TTBK2: variants seen among roughly 807,000 people sequenced by gnomAD.
The protein encoded by TTBK2 is tau-tubulin kinase 2.
Under a neutral mutation model 110.8 loss-of-function variants are expected in TTBK2, and 28 were observed. The ratio of observed to expected loss-of-function variants is 0.25; its 90% confidence interval spans 0.19 to 0.35. The LOEUF (loss-of-function observed/expected upper bound fraction) is 0.35, where lower values mean the gene tolerates loss of function less well. Ranked by LOEUF, TTBK2 falls within the 10% of genes least tolerant of loss-of-function variation. The pLI, the probability that TTBK2 is intolerant of heterozygous loss-of-function variation, is 1.00. For synonymous variants in TTBK2, 532 were observed against 527.3 expected, an observed-to-expected ratio of 1.01 and a Z score of -0.12; for missense variants, 1,369 against 1,500.3, an observed-to-expected ratio of 0.91 and a Z score of 1.45.
chr15:42,830,180 A>C, intron 4 of TTBK2, 102 bp from the exon 5 acceptor site: 1 of 1,470,844 alleles, frequency 6.8e-7, no homozygotes, highest in Non-Finnish European at 9.2e-7. Flanking sequence ...TTTTCAGCAA[A>C]ATAGCAAGAA....
At chr15:42,775,039 C>T in intron 13 of TTBK2, 96 bp downstream of exon 13, 1 of 1,339,852 alleles carries the variant, frequency 7.5e-7, no homozygotes, top group Non-Finnish European at 1.1e-6. Context: ...AAAATTTAGG[C>T]CTGTACTGAA....
At chr15:42,911,241 G>A (rs1039088462) in intron 1 of TTBK2, among the ~76,000 whole-genome samples, 3 of 152,080 alleles carry the variant, frequency 2.0e-5, no homozygotes, top group East Asian at 1.9e-4. Context: ...TCCCATTCCC[G>A]TACATACATT....
At chr15:42,796,349 A>C (rs1033304464) in intron 9 of TTBK2, among the ~76,000 whole-genome samples, 1 of 152,138 alleles carries the variant, frequency 6.6e-6, no homozygotes, top group African/African-American at 2.4e-5. Context: ...GCAGTGAGCC[A>C]AGATTGTGCC....
At chr15:42,801,371 A>G (rs1285967679) in intron 9 of TTBK2, 1 of 1,440,100 alleles carries the variant, frequency 6.9e-7, no homozygotes, top group Admixed American at 1.7e-5. Flanking sequence ...TGGCATTGGC[A>G]TCCTTAATGG....
intron 3 of TTBK2, among the ~76,000 whole-genome samples, chr15:42,846,867 AG>A (rs1893489640): frequency 6.6e-6 from 1 of 152,084 alleles, no homozygotes. Context: ...TTGAACAATG[AG>A]ATGTGTGAGC....
At chr15:42,909,869 A>C (rs371303612) in intron 1 of TTBK2, among the ~76,000 whole-genome samples, 2 of 152,218 alleles carry the variant, frequency 1.3e-5, no homozygotes, top group African/African-American at 4.8e-5. Flanking sequence ...TTTGGGGTAA[A>C]GAAAGCAGGT....
chr15:42,859,899 A>G (rs1894087106), intron 3 of TTBK2, among the ~76,000 whole-genome samples: 1 of 152,134 alleles, frequency 6.6e-6, no homozygotes, highest in South Asian at 2.1e-4. Flanking sequence ...AAGAACGAAA[A>G]GAAAACACTA....
intron 6 of TTBK2, among the ~76,000 whole-genome samples, chr15:42,818,912 G>C (rs1421624711): frequency 2.1e-5 from 3 of 144,040 alleles, no homozygotes; most frequent in African/African-American, 7.5e-5. Flanking sequence ...GACAGAGCGA[G>C]ACTCCGTCTC....
chr15:42,866,999 C>CT (rs1484245866), intron 3 of TTBK2, among the ~76,000 whole-genome samples: 1 of 152,144 alleles, frequency 6.6e-6, no homozygotes, highest in African/African-American at 2.4e-5. Flanking sequence ...AATCCCAGCA[C>CT]TTTGAGAGGC....
intron 11 of TTBK2, among the ~76,000 whole-genome samples, chr15:42,780,498 C>T (rs28722903): frequency 0.27 from 40,223 of 151,526 alleles, 6,022 homozygotes; most frequent in African/African-American, 0.4. Flanking sequence ...TTAAAAATAA[C>T]TGGGAAATTT....
intron 14 of TTBK2, among the ~76,000 whole-genome samples, chr15:42,749,694 G>T (rs1219501359): frequency 6.6e-6 from 1 of 152,170 alleles, no homozygotes; most frequent in Non-Finnish European, 1.5e-5. Flanking sequence ...ACTGCTAGGG[G>T]ATTAAAAGGG....
intron 1 of TTBK2, among the ~76,000 whole-genome samples, chr15:42,902,276 T>C (rs1390801535): frequency 6.6e-6 from 1 of 150,918 alleles, no homozygotes; most frequent in Non-Finnish European, 1.5e-5. Flanking sequence ...ATCCCAGCAT[T>C]TCGGGAGGCC....
intron 8 of TTBK2, 70 bp downstream of exon 8, chr15:42,811,618 A>G: frequency 8.0e-7 from 1 of 1,255,316 alleles, no homozygotes; most frequent in Non-Finnish European, 1.2e-6. Flanking sequence ...TATATTTTCA[A>G]CAAAAATGTT....
At chr15:42,788,574 G>A (rs1890509485) in intron 10 of TTBK2, among the ~76,000 whole-genome samples, 1 of 152,042 alleles carries the variant, frequency 6.6e-6, no homozygotes, top group Non-Finnish European at 1.5e-5. Context: ...TCATGATTCT[G>A]GTGACTAAAT....
intron 6 of TTBK2, among the ~76,000 whole-genome samples, chr15:42,827,391 A>T (rs1892578361): frequency 6.6e-6 from 1 of 152,250 alleles, no homozygotes; most frequent in Non-Finnish European, 1.5e-5. Flanking sequence ...CATGCAAAGA[A>T]ACAGGAAAGT....
intron 4 of TTBK2, among the ~76,000 whole-genome samples, chr15:42,837,134 C>G (rs1329312941): frequency 6.6e-6 from 1 of 151,958 alleles, no homozygotes; most frequent in East Asian, 1.9e-4. Context: ...CCGAGGTGGG[C>G]AGATCACCTT....
chr15:42,842,499 G>A (rs144106868), intron 3 of TTBK2, among the ~76,000 whole-genome samples: 11 of 152,224 alleles, frequency 7.2e-5, no homozygotes, highest in African/African-American at 2.4e-4. Flanking sequence ...GTAAGGAAGA[G>A]TAACAGGCCA....
chr15:42,769,156 C>T (rs890586860), intron 13 of TTBK2, among the ~76,000 whole-genome samples: 4 of 152,138 alleles, frequency 2.6e-5, no homozygotes, highest in African/African-American at 9.7e-5. Context: ...ACCATAAAAA[C>T]CCTAGAAGAA....
intron 9 of TTBK2, among the ~76,000 whole-genome samples, chr15:42,800,670 T>C (rs1891143869): frequency 6.6e-6 from 1 of 151,840 alleles, no homozygotes; most frequent in Non-Finnish European, 1.5e-5. Flanking sequence ...GCAAAAGAAA[T>C]TGCCCCACTT....
Sources: gnomAD v4.1 joint callset for allele counts (sites outside exome capture counted in the v4.1 genomes callset) on GRCh38, gnomAD v4.1.1 for gene constraint, MANE v1.5 for transcripts, NCBI Gene and HGNC (gene_info 2026-07-23, HGNC 2026-07-21) for gene names.